Variants in LYZL1 observed in about 807,000 individuals in gnomAD.
LYZL1 encodes lysozyme-like protein 1.
In LYZL1, 16 loss-of-function variants were observed where a neutral mutation model predicts 17.9. The ratio of observed to expected loss-of-function variants is 0.90; its 90% confidence interval spans 0.61 to 1.36. The LOEUF (loss-of-function observed/expected upper bound fraction) is 1.36. LYZL1 is among the 40% of genes most tolerant of loss of function. LYZL1 has a pLI of 0.00. For synonymous variants in LYZL1, 58 were observed against 71.8 expected (o/e 0.81, Z 0.97); for missense variants, 149 against 188.4 (o/e 0.79, Z 1.22).
At chr10:29,311,448 A>T (rs2132839023), downstream of LYZL1, among the ~76,000 whole-genome samples, 1 of 152,100 alleles carries the variant, frequency 6.6e-6, no homozygotes, top group East Asian at 1.9e-4. Context: ...GAGGTTAGGA[A>T]CTAGGAGCAC....
intron 3 of LYZL1, among the ~76,000 whole-genome samples, chr10:29,305,933 C>T (rs1835582679): frequency 6.6e-6 from 1 of 152,172 alleles, no homozygotes; most frequent in African/African-American, 2.4e-5. Context: ...ACAAAATAAT[C>T]TGGTATTACA....
chr10:29,302,703 C>T (rs541673065), intron 3 of LYZL1, among the ~76,000 whole-genome samples: 200 of 152,328 alleles, frequency 1.3e-3, no homozygotes, highest in African/African-American at 4.4e-3. Flanking sequence ...TTTGAATGAG[C>T]TGGCCTTCAG....
intron 3 of LYZL1, among the ~76,000 whole-genome samples, chr10:29,296,693 G>A (rs1835450398): frequency 6.6e-6 from 1 of 152,134 alleles, no homozygotes; most frequent in Non-Finnish European, 1.5e-5. Flanking sequence ...TGGCAGCCAG[G>A]CCAGACTCTC....
At chr10:29,300,803 G>A (rs1395661898) in intron 3 of LYZL1, among the ~76,000 whole-genome samples, 1 of 151,928 alleles carries the variant, frequency 6.6e-6, no homozygotes. Flanking sequence ...AAAATTCTGG[G>A]ATGACAGTTG....
Position 29,292,716 on chromosome 10 carries a change from T to C in LYZL1, c.298+39T>C, listed in dbSNP as rs538531536. 3.9e-5 allele frequency: 62 copies of C among 1,579,646 alleles called. No individual in the cohort carries two copies. The East Asian group carries it at 5.6e-4, about 14-fold the overall frequency. On this transcript the variant is annotated intron_variant, in intron 3 of 4. Transcript: ENST00000649382. ...TTTCCAGTGATGCCATCCTCAGGAC[T>C]AGGCGAGAAAGCCGACAATGGGATC...
intron 3 of LYZL1, among the ~76,000 whole-genome samples, chr10:29,302,492 T>TG (rs1362706583): frequency 6.6e-6 from 1 of 152,190 alleles, no homozygotes; most frequent in African/African-American, 2.4e-5. Context: ...CTAGTAAGCA[T>TG]GTTCTGGGCG....
rs145650628 is a variant in LYZL1 at position 29,298,725 on chromosome 10, G to A, written c.298+6048G>A. Among the ~76,000 whole-genome samples the A allele has an allele frequency of 4.2e-3, 646 of 152,230 alleles. 8 individuals are homozygous for A. The highest frequency in any genetic ancestry group is 0.014 in the African/African-American group (595 of 41,530). On this transcript the variant is annotated intron_variant, in intron 3 of 4. Coordinates refer to ENST00000649382, the MANE Select transcript of LYZL1 (RefSeq NM_032517.6). Reference sequence around the variant, plus strand: ...GCCTGATTGTGAAGGATGATCCCAGGATGAGCTTTTATTATAGATTTCTAG... The same window carrying A: ...GCCTGATTGTGAAGGATGATCCCAGAATGAGCTTTTATTATAGATTTCTAG...
intron 4 of LYZL1, 145 bp downstream of exon 4, chr10:29,310,333 C>A (rs1043484150): frequency 3.0e-5 from 19 of 629,730 alleles, no homozygotes; most frequent in Non-Finnish European, 5.4e-5. Flanking sequence ...TCTCCTCCAT[C>A]AGTGTGTGGG....
At chr10:29,316,778 G>A (rs748314888) in intron 3 of LYZL1, among the ~76,000 whole-genome samples, 19 of 147,270 alleles carry the variant, frequency 1.3e-4, no homozygotes, top group Admixed American at 3.5e-4. Context: ...GTGCAGTGGC[G>A]TGATCTTGGC....
rs536315696 is a variant in LYZL1 at position 29,294,106 on chromosome 10, A to G, written c.298+1429A>G. The stretch of plus-strand genomic sequence containing the variant: ...AGTTATCCCAGGCCAGGGGAAGAGC[A>G]AAAGCAAAGAGGTGCCTGTGGGAAG... On this transcript the variant is annotated intron_variant, in intron 3 of 4. Coordinates refer to ENST00000649382, the MANE Select transcript of LYZL1 (RefSeq NM_032517.6). Among the ~76,000 whole-genome samples, 3 of 152,282 alleles carry G rather than the reference A, an allele frequency of 2.0e-5. No homozygotes were observed. In the South Asian group the frequency reaches 6.2e-4, roughly 32 times the overall value.
intron 3 of LYZL1, among the ~76,000 whole-genome samples, chr10:29,303,950 G>T (rs966379702): frequency 6.6e-6 from 1 of 152,074 alleles, no homozygotes; most frequent in African/African-American, 2.4e-5. Flanking sequence ...GGTAGAGAAG[G>T]GGGTCTCGCC....
chr10:29,310,931 T>C (rs1835662478), intron 4 of LYZL1, 59 bp from the exon 5 acceptor site: 1 of 1,613,798 alleles, frequency 6.2e-7, no homozygotes, highest in Non-Finnish European at 8.5e-7. Flanking sequence ...GCTTTGAAAC[T>C]AAGACGGTTT....
At chr10:29,306,549 CAAAAAAAAAAAAA>C (rs58001118) in intron 3 of LYZL1, among the ~76,000 whole-genome samples, 7 of 48,806 alleles carry the variant, frequency 1.4e-4, no homozygotes, top group South Asian at 8.5e-4. Flanking sequence ...GACTCCGTCT[CAAAAAAAAAAAAA>C]AAAAAAAAAA....
chr10:29,308,849 C>T (rs1004689111), intron 3 of LYZL1, among the ~76,000 whole-genome samples: 15 of 151,964 alleles, frequency 9.9e-5, no homozygotes, highest in African/African-American at 3.4e-4. Flanking sequence ...CCTGTAGTCC[C>T]AGCTACTTGA....
At chr10:29,314,828 G>T (rs1244979875), downstream of LYZL1, among the ~76,000 whole-genome samples, 1 of 152,176 alleles carries the variant, frequency 6.6e-6, no homozygotes, top group African/African-American at 2.4e-5. Context: ...TACGGAAGGG[G>T]TAACTATCGC....
chr10:29,318,255 G>A (rs1399468880), exon 5 of LYZL1: 2 of 940,614 alleles, frequency 2.1e-6, no homozygotes, highest in South Asian at 4.9e-5. Flanking sequence ...AATTCTTGGT[G>A]AGGATGAAAA....
intron 1 of LYZL1, among the ~76,000 whole-genome samples, chr10:29,291,056 AACAAATGT>A (rs1835357421): frequency 6.6e-6 from 1 of 152,116 alleles, no homozygotes; most frequent in African/African-American, 2.4e-5. Flanking sequence ...TTGATCCTTG[AACAAATGT>A]AGGGGTCACG....
At chr10:29,296,265 G>C (rs907497903) in intron 3 of LYZL1, among the ~76,000 whole-genome samples, 1 of 152,216 alleles carries the variant, frequency 6.6e-6, no homozygotes, top group African/African-American at 2.4e-5. Flanking sequence ...GAAAGCAGGA[G>C]GCAAGTGGTG....
chr10:29,298,510 T>C (rs1835474884), intron 3 of LYZL1, among the ~76,000 whole-genome samples: 1 of 152,174 alleles, frequency 6.6e-6, no homozygotes, highest in African/African-American at 2.4e-5. Context: ...GCACAGAGCA[T>C]GGTGGAGAAG....
Sources: gnomAD v4.1 joint callset for allele counts (sites outside exome capture counted in the v4.1 genomes callset) on GRCh38, gnomAD v4.1.1 for gene constraint, MANE v1.5 for transcripts, NCBI Gene and HGNC (gene_info 2026-07-23, HGNC 2026-07-21) for gene names.